LOXL2: variants seen among roughly 807,000 people sequenced by gnomAD.
LOXL2 encodes lysyl oxidase homolog 2.
A neutral mutation model predicts 93.0 loss-of-function variants in LOXL2; 70 were observed. That is an observed-to-expected ratio of 0.75 (90% CI 0.62 to 0.92). The LOEUF is 0.92. Ranked by LOEUF, LOXL2 falls within the 40% of genes least tolerant of loss-of-function variation. The probability of loss-of-function intolerance (pLI) is 0.00; values close to 1 mark genes in which losing one functional copy is unlikely to be tolerated. For synonymous variants in LOXL2, 438 were observed against 413.2 expected (o/e 1.06, Z -0.73); for missense variants, 973 against 1,054.9 (o/e 0.92, Z 1.08).
chr8:23,333,960 G>C (rs1170657892), intron 4 of LOXL2, among the ~76,000 whole-genome samples: 1 of 152,200 alleles, frequency 6.6e-6, no homozygotes, highest in African/African-American at 2.4e-5. Flanking sequence ...AAACAGGTGA[G>C]ATCCCTGGTC....
At chr8:23,332,190 ACACC>A (rs1485872427) in intron 5 of LOXL2, among the ~76,000 whole-genome samples, 1 of 141,952 alleles carries the variant, frequency 7.0e-6, no homozygotes, top group Non-Finnish European at 1.5e-5. Context: ...ACACACACAC[ACACC>A]CCACACACAC....
intron 9 of LOXL2, among the ~76,000 whole-genome samples, chr8:23,315,107 C>T (rs1046606655): frequency 2.0e-5 from 3 of 152,132 alleles, no homozygotes; most frequent in South Asian, 2.1e-4. Flanking sequence ...CGCAGGGCCA[C>T]GTATCACTGT....
At chr8:23,352,438 G>A (rs938937339) in intron 3 of LOXL2, among the ~76,000 whole-genome samples, 5 of 152,084 alleles carry the variant, frequency 3.3e-5, no homozygotes, top group Non-Finnish European at 7.4e-5. Flanking sequence ...AAACCACCCA[G>A]TGCAACCTCT....
chr8:23,300,363 G>A (rs762760989), intron 12 of LOXL2, among the ~76,000 whole-genome samples: 5 of 152,198 alleles, frequency 3.3e-5, no homozygotes, highest in African/African-American at 4.8e-5. Flanking sequence ...ATGAGAAAGC[G>A]GATAAAGCGG....
At chr8:23,354,797 C>T (rs1489902046) in intron 3 of LOXL2, among the ~76,000 whole-genome samples, 1 of 151,750 alleles carries the variant, frequency 6.6e-6, no homozygotes. Context: ...GGATGTTGTC[C>T]AGTTCGTGCT....
At chr8:23,356,389 G>A (rs1307227434) in intron 3 of LOXL2, among the ~76,000 whole-genome samples, 1 of 152,190 alleles carries the variant, frequency 6.6e-6, no homozygotes, top group Non-Finnish European at 1.5e-5. Flanking sequence ...TTCAGCTACT[G>A]ATACAGGCCA....
intron 4 of LOXL2, among the ~76,000 whole-genome samples, chr8:23,340,163 A>T (rs2117180098): frequency 6.6e-6 from 1 of 152,208 alleles, no homozygotes; most frequent in Non-Finnish European, 1.5e-5. Context: ...TGGTTCTATC[A>T]CCTTTCTCCA....
chr8:23,299,704 C>T (rs190914064), intron 12 of LOXL2, among the ~76,000 whole-genome samples: 1 of 152,314 alleles, frequency 6.6e-6, no homozygotes, highest in African/African-American at 2.4e-5. Context: ...ACACAGATGA[C>T]AGGCCTTCCC....
chr8:23,333,592 A>G lies in LOXL2; in HGVS notation c.775T>C (p.Trp259Arg). The G allele has an allele frequency of 6.2e-7, 1 of 1,613,680 alleles. No homozygotes were observed. Among genetic ancestry groups the G allele is most frequent in the Non-Finnish European group, 8.5e-7 (1 of 1,179,968 alleles). ...MFASRRKQRYWPFSMDCTGTE... is the reference protein window; with the variant it reads ...MFASRRKQRYRPFSMDCTGTE... ...CCGGTGCAGTCCATGGAGAATGGCC[A>G]GTAGCGCTGCTTCCTCCGTGAGGCA... The change falls in exon 5 of 14, where the codon TGG (tryptophan) becomes CGG (arginine). Residue 259 changes from tryptophan (W) to arginine (R), a missense_variant. Physicochemically the swap from Trp to Arg is moderately radical, Grantham distance 101 (BLOSUM62 -3). Transcript: ENST00000389131.
chr8:23,319,532 G>A (rs7846054), intron 8 of LOXL2, among the ~76,000 whole-genome samples: 85,856 of 152,064 alleles, frequency 0.56, 27,572 homozygotes, highest in Non-Finnish European at 0.73. Flanking sequence ...CCTCCCCGAA[G>A]GACTGAGTTG....
intron 3 of LOXL2, among the ~76,000 whole-genome samples, chr8:23,353,330 G>T (rs1218382625): frequency 6.6e-6 from 1 of 152,210 alleles, no homozygotes; most frequent in African/African-American, 2.4e-5. Flanking sequence ...AGATCTGTTC[G>T]TTTGGAGCCA....
At chr8:23,354,489 A>C (rs1035107938) in intron 3 of LOXL2, among the ~76,000 whole-genome samples, 2 of 152,130 alleles carry the variant, frequency 1.3e-5, no homozygotes, top group Admixed American at 1.3e-4. Flanking sequence ...AAGAGTGAAA[A>C]GTCTGCACCT....
chr8:23,395,776 C>T (rs1034689960), intron 1 of LOXL2, among the ~76,000 whole-genome samples: 1 of 151,990 alleles, frequency 6.6e-6, no homozygotes, highest in African/African-American at 2.4e-5. Flanking sequence ...CCTGGCTCAC[C>T]GTAACCTCCG....
chr8:23,329,084 G>T (rs1028557844), intron 5 of LOXL2: 1 of 154,228 alleles, frequency 6.5e-6, no homozygotes, highest in South Asian at 2.0e-4. Flanking sequence ...GTCTAGGCCT[G>T]CAGAGACTCC....
chr8:23,309,666 ACCTGTGACAGTCGTG>A lies in LOXL2; in HGVS notation c.1867_1880+1del. ...GTGGGGAGGGTGGCCAGCCAGGCCT[ACCTGTGACAGTCGTG>A]CCAGATCCACGCGTGGCGGCCGTTC... On this transcript the variant is annotated splice_donor_variant and coding_sequence_variant, in exon 10 of 14. Transcript: ENST00000389131. LOFTEE classifies it high-confidence loss of function. 6.9e-7 allele frequency: 1 copy of A among 1,451,622 alleles called. No homozygotes were observed. Among genetic ancestry groups the A allele is most frequent in the South Asian group, 1.4e-5 (1 of 69,052 alleles). The allele number at this position is 1,451,622 out of a possible 1,614,324, so 89.9% of individuals were successfully genotyped here.
At chr8:23,328,709 A>ATATG (rs1554477862) in intron 5 of LOXL2, 144 bp from the exon 6 acceptor site, 3 of 458,992 alleles carry the variant, frequency 6.5e-6, no homozygotes, top group Non-Finnish European at 3.9e-6. Context: ...TGATGTATGG[A>ATATG]TGTGTGTGTG....
At chr8:23,352,527 C>T (rs569720473) in intron 3 of LOXL2, among the ~76,000 whole-genome samples, 2 of 152,146 alleles carry the variant, frequency 1.3e-5, no homozygotes, top group African/African-American at 2.4e-5. Flanking sequence ...AGAGACCTTT[C>T]CCTTTTAGGC....
chr8:23,330,331 CTCAAA>C (rs1280233396), intron 5 of LOXL2, among the ~76,000 whole-genome samples: 3 of 111,310 alleles, frequency 2.7e-5, no homozygotes, highest in African/African-American at 9.4e-5. Context: ...GAGACTCCGT[CTCAAA>C]ACAAAACAAA....
At chr8:23,303,498 G>C in intron 10 of LOXL2, 101 bp from the exon 11 acceptor site, 1 of 700,362 alleles carries the variant, frequency 1.4e-6, no homozygotes, top group Middle Eastern at 2.5e-4. Context: ...TACTTCCAGG[G>C]GACCAGAGGG....
Sources: gnomAD v4.1 joint callset for allele counts (sites outside exome capture counted in the v4.1 genomes callset) on GRCh38, gnomAD v4.1.1 for gene constraint, MANE v1.5 for transcripts, NCBI Gene and HGNC (gene_info 2026-07-23, HGNC 2026-07-21) for gene names.